Variants in STX8 observed in about 807,000 individuals in gnomAD.
STX8 encodes the protein syntaxin-8.
STX8 carries 23 observed loss-of-function variants against 37.5 expected under a neutral mutation model. The ratio of observed to expected loss-of-function variants is 0.61; its 90% CI spans 0.44 to 0.87. The LOEUF is 0.87. STX8 is among the 40% of genes least tolerant of loss of function. STX8 has a pLI of 0.00. For missense variants in STX8, 313 were observed against 284.7 expected, an observed-to-expected ratio of 1.10 and a Z score of -0.71; for synonymous variants, 115 against 99.1, an observed-to-expected ratio of 1.16 and a Z score of -0.95.
chr17:9,258,690 G>A (rs149718224), intron 7 of STX8, among the ~76,000 whole-genome samples: 7 of 152,354 alleles, frequency 4.6e-5, no homozygotes, highest in Non-Finnish European at 1.0e-4. Flanking sequence ...CTGGTTTTCT[G>A]AGTTTGTTTT....
chr17:9,313,789 C>G (rs1410798941), intron 7 of STX8, among the ~76,000 whole-genome samples: 1 of 152,174 alleles, frequency 6.6e-6, no homozygotes, highest in Non-Finnish European at 1.5e-5. Flanking sequence ...TGCCACCACA[C>G]CCGGCTAATA....
chr17:9,516,563 T>A (rs545289074), intron 4 of STX8, among the ~76,000 whole-genome samples: 6 of 151,832 alleles, frequency 4.0e-5, no homozygotes, highest in African/African-American at 1.2e-4. Flanking sequence ...TCCAGCAATT[T>A]CACTCACTGA....
chr17:9,405,188 T>C (rs1012524916), intron 6 of STX8, among the ~76,000 whole-genome samples: 34 of 152,212 alleles, frequency 2.2e-4, no homozygotes, highest in Non-Finnish European at 2.5e-4. Flanking sequence ...AGATGTTCTA[T>C]CGGGGTTCTC....
chr17:9,415,740 G>A (rs1310177517), intron 6 of STX8, among the ~76,000 whole-genome samples: 1 of 152,188 alleles, frequency 6.6e-6, no homozygotes, highest in East Asian at 1.9e-4. Context: ...CTGCACTCCA[G>A]CCTGACTGAC....
intron 6 of STX8, among the ~76,000 whole-genome samples, chr17:9,381,558 T>C (rs143969498): frequency 1.1e-4 from 16 of 152,370 alleles, no homozygotes; most frequent in African/African-American, 7.2e-5. Context: ...TTATATTCTA[T>C]CGATTTGTTT....
intron 7 of STX8, among the ~76,000 whole-genome samples, chr17:9,349,719 T>C (rs1430766539): frequency 6.6e-6 from 1 of 150,722 alleles, no homozygotes; most frequent in Non-Finnish European, 1.5e-5. Flanking sequence ...ATAAAAGTTA[T>C]GTGAATGTGG....
intron 4 of STX8, among the ~76,000 whole-genome samples, chr17:9,518,947 C>T (rs1198489961): frequency 2.0e-5 from 3 of 151,952 alleles, no homozygotes; most frequent in African/African-American, 4.8e-5. Context: ...AAATCAGACA[C>T]ATTCCCTTGA....
intron 3 of STX8, among the ~76,000 whole-genome samples, chr17:9,547,641 A>AAG (rs1491368646): frequency 7.1e-5 from 5 of 70,922 alleles, no homozygotes; most frequent in Admixed American, 1.7e-4. Flanking sequence ...AAAAAAAAAG[A>AAG]AAAAAGAAAA....
intron 6 of STX8, 30 bp from the exon 7 acceptor site, chr17:9,378,683 C>G (rs1464365088): frequency 1.3e-6 from 2 of 1,517,332 alleles, no homozygotes; most frequent in South Asian, 2.2e-5. Flanking sequence ...GATTACTATT[C>G]CTGAAATACC....
chr17:9,370,268 G>C (rs1911362633), intron 7 of STX8, among the ~76,000 whole-genome samples: 1 of 152,120 alleles, frequency 6.6e-6, no homozygotes, highest in Non-Finnish European at 1.5e-5. Flanking sequence ...CATTTATAAA[G>C]GACTCACTAG....
chr17:9,415,985 G>C (rs763683432), intron 6 of STX8, among the ~76,000 whole-genome samples: 4 of 152,122 alleles, frequency 2.6e-5, no homozygotes, highest in Non-Finnish European at 5.9e-5. Context: ...TAACAGTAAT[G>C]AGTTCTCCTG....
chr17:9,272,641 A>G (rs973132098), intron 7 of STX8, among the ~76,000 whole-genome samples: 11 of 152,200 alleles, frequency 7.2e-5, no homozygotes, highest in African/African-American at 2.7e-4. Flanking sequence ...CAACCTCTCC[A>G]TTGCTGGCTT....
rs184986844 is a variant in STX8 at position 9,254,745 on chromosome 17, T to A, written c.644-4100A>T. ...TTACTGTCTGTCTCTCCTGGACACA[T>A]GAACATCTACACCAGGGACTGTGGG... On this transcript the variant is annotated intron_variant, in intron 7 of 7. Coordinates refer to ENST00000306357, the MANE Select transcript of STX8 (RefSeq NM_004853.3). Among the ~76,000 whole-genome samples, 9 of 151,552 alleles carry A rather than the reference T, an allele frequency of 5.9e-5. No homozygotes were observed. The East Asian group carries it at 1.6e-3, about 26-fold the overall frequency.
intron 6 of STX8, among the ~76,000 whole-genome samples, chr17:9,413,951 C>T (rs111837310): frequency 5.2e-5 from 1 of 19,064 alleles, no homozygotes; most frequent in Non-Finnish European, 1.3e-4. Context: ...CCCACCTATC[C>T]ACTCAACCAT....
intron 4 of STX8, among the ~76,000 whole-genome samples, chr17:9,514,478 G>A (rs915906358): frequency 2.0e-5 from 3 of 151,978 alleles, no homozygotes; most frequent in South Asian, 2.1e-4. Context: ...GGTGGCGGGC[G>A]CCTGTAATCC....
At chr17:9,252,567 C>T (rs1270423197) in intron 7 of STX8, among the ~76,000 whole-genome samples, 2 of 148,952 alleles carry the variant, frequency 1.3e-5, no homozygotes, top group Non-Finnish European at 3.0e-5. Flanking sequence ...TGAGATCACA[C>T]CACTGCAATA....
rs77622948 is a variant in STX8, at chr17:9,294,233, G to A, written c.644-43588C>T. Among the ~76,000 whole-genome samples, 17 of 152,300 alleles carry A rather than the reference G, an allele frequency of 1.1e-4. No homozygotes were observed. The East Asian group carries it at 2.3e-3, about 21-fold the overall frequency. On this transcript the variant is annotated intron_variant, in intron 7 of 7. Transcript: ENST00000306357. The stretch of plus-strand genomic sequence containing the variant: ...AAGAACTCTTAGTGAGAGAGATGGC[G>A]TAACACAAGATAGGAAGGAAAGGAA...
intron 6 of STX8, among the ~76,000 whole-genome samples, chr17:9,426,959 TAGAA>T (rs779158264): frequency 1.5e-4 from 23 of 152,302 alleles, no homozygotes; most frequent in East Asian, 3.9e-4. Flanking sequence ...AGTTAAGAGA[TAGAA>T]AGATAGTCTG....
chr17:9,419,637 T>C (rs181728293), intron 6 of STX8, among the ~76,000 whole-genome samples: 3 of 152,310 alleles, frequency 2.0e-5, no homozygotes, highest in Admixed American at 2.0e-4. Flanking sequence ...TGAAAACCTT[T>C]CTGTTAGCAG....
Sources: gnomAD v4.1 joint callset for allele counts (sites outside exome capture counted in the v4.1 genomes callset) on GRCh38, gnomAD v4.1.1 for gene constraint, MANE v1.5 for transcripts, NCBI Gene and HGNC (gene_info 2026-07-23, HGNC 2026-07-21) for gene names.